Variants in NXPE2 observed in about 807,000 individuals in gnomAD.
NXPE2 encodes the protein NXPE family member 2.
A neutral mutation model predicts 34.4 loss-of-function variants in NXPE2; 34 were observed. That is an observed-to-expected ratio of 0.99 (90% confidence interval 0.75 to 1.31). The LOEUF is 1.31. Among genes scored for constraint, NXPE2 ranks in the 40% most tolerant of loss-of-function variants. The probability of loss-of-function intolerance (pLI) is 0.00; values close to 1 mark genes in which losing one functional copy is unlikely to be tolerated. For missense variants in NXPE2, 649 were observed against 672.5 expected, an observed-to-expected ratio of 0.97 and a Z score of 0.39; for synonymous variants, 235 against 231.3, an observed-to-expected ratio of 1.02 and a Z score of -0.15.
chr11:114,645,300 C>T, the NXPE2 span, among the ~76,000 whole-genome samples: 5 of 151,896 alleles, frequency 3.3e-5, no homozygotes, highest in Non-Finnish European at 7.4e-5. Flanking sequence ...GACTCCATCT[C>T]GAAAATAAAT....
the NXPE2 span, among the ~76,000 whole-genome samples, chr11:114,532,782 G>A: frequency 6.6e-6 from 1 of 152,058 alleles, no homozygotes; most frequent in Non-Finnish European, 1.5e-5. Flanking sequence ...ATACAGGTGT[G>A]TGTGCATTTG....
At chr11:114,732,188 A>G in the NXPE2 span, among the ~76,000 whole-genome samples, 1 of 152,238 alleles carries the variant, frequency 6.6e-6, no homozygotes, top group African/African-American at 2.4e-5. Context: ...TAATTCTAAT[A>G]TAGGACAATT....
chr11:114,617,711 G>A, the NXPE2 span, among the ~76,000 whole-genome samples: 4 of 152,156 alleles, frequency 2.6e-5, no homozygotes, highest in African/African-American at 9.6e-5. Context: ...GGTAACCACT[G>A]TTACCCAATG....
chr11:114,626,321 G>A, the NXPE2 span, among the ~76,000 whole-genome samples: 1 of 152,220 alleles, frequency 6.6e-6, no homozygotes. Context: ...GCACACAGCT[G>A]GAGATCTGAG....
At chr11:114,609,380 T>C in the NXPE2 span, among the ~76,000 whole-genome samples, 293 of 151,810 alleles carry the variant, frequency 1.9e-3, 5 homozygotes, top group African/African-American at 6.6e-3. Context: ...ACCCGGTGGA[T>C]AATAAGTATT....
At chr11:114,488,971 TAAAG>T in the NXPE2 span, among the ~76,000 whole-genome samples, 5 of 151,580 alleles carry the variant, frequency 3.3e-5, no homozygotes, top group Non-Finnish European at 5.9e-5. Context: ...GCAAGACTAA[TAAAG>T]AAGAAAAGAG....
At chr11:114,556,382 G>A in the NXPE2 span, among the ~76,000 whole-genome samples, 1 of 152,090 alleles carries the variant, frequency 6.6e-6, no homozygotes, top group Non-Finnish European at 1.5e-5. Flanking sequence ...GTCTCCCTTG[G>A]ATACACAGAG....
At chr11:114,639,858 ATTATATT>A in the NXPE2 span, among the ~76,000 whole-genome samples, 882 of 75,566 alleles carry the variant, frequency 0.012, 12 homozygotes, top group Admixed American at 0.016. Context: ...TATAATATAT[ATTATATT>A]TTATATTAAA....
At chr11:114,633,225 T>A in the NXPE2 span, among the ~76,000 whole-genome samples, 75 of 133,074 alleles carry the variant, frequency 5.6e-4, 1 homozygote, top group African/African-American at 2.0e-3. Flanking sequence ...ATTATATATA[T>A]AAATATATGT....
chr11:114,724,892 T>C, the NXPE2 span, among the ~76,000 whole-genome samples: 1 of 7,920 alleles, frequency 1.3e-4, no homozygotes, highest in African/African-American at 1.7e-4. Context: ...CAGAAATGGT[T>C]TTTTTTTTTT....
the NXPE2 span, among the ~76,000 whole-genome samples, chr11:114,746,337 C>T: frequency 2.0e-5 from 3 of 152,128 alleles, no homozygotes; most frequent in South Asian, 6.2e-4. Flanking sequence ...TCAAGGATAT[C>T]ATATACACTG....
the NXPE2 span, among the ~76,000 whole-genome samples, chr11:114,735,372 C>T: frequency 6.6e-6 from 1 of 151,954 alleles, no homozygotes; most frequent in Non-Finnish European, 1.5e-5. Flanking sequence ...TTTCTTATAT[C>T]TTATCTAAGA....
At chr11:114,628,490 G>A in the NXPE2 span, among the ~76,000 whole-genome samples, 72 of 151,882 alleles carry the variant, frequency 4.7e-4, no homozygotes, top group East Asian at 1.2e-3. Flanking sequence ...AAGACACAAC[G>A]TACCAGAATC....
the NXPE2 span, among the ~76,000 whole-genome samples, chr11:114,536,564 A>C: frequency 6.6e-6 from 1 of 152,188 alleles, no homozygotes; most frequent in Non-Finnish European, 1.5e-5. Context: ...AAGAGAGAAG[A>C]ATCAAATAGA....
chr11:114,593,811 G>A, the NXPE2 span, among the ~76,000 whole-genome samples: 1 of 151,970 alleles, frequency 6.6e-6, no homozygotes. Context: ...AGAAAATATG[G>A]TATATATACA....
the NXPE2 span, among the ~76,000 whole-genome samples, chr11:114,712,936 C>A: frequency 1.3e-5 from 2 of 152,100 alleles, no homozygotes; most frequent in Non-Finnish European, 2.9e-5. Flanking sequence ...CAGTGAAAAA[C>A]CATGCAACCT....
the NXPE2 span, among the ~76,000 whole-genome samples, chr11:114,787,717 C>G: frequency 0.14 from 21,466 of 152,096 alleles, 1,615 homozygotes; most frequent in Middle Eastern, 0.2. Context: ...ATGTATGTAT[C>G]TATCTATCTA....
At chr11:114,566,703 C>G in the NXPE2 span, among the ~76,000 whole-genome samples, 1 of 152,090 alleles carries the variant, frequency 6.6e-6, no homozygotes, top group East Asian at 1.9e-4. Context: ...GGATTTCTCT[C>G]TCTCTCTCTC....
At chr11:114,632,642 T>G in the NXPE2 span, among the ~76,000 whole-genome samples, 1 of 97,090 alleles carries the variant, frequency 1.0e-5, no homozygotes, top group African/African-American at 4.3e-5. Flanking sequence ...TAAATGTAAA[T>G]AATAAATGTA....
Sources: allele counts gnomAD v4.1 joint callset (sites outside exome capture counted in the v4.1 genomes callset), GRCh38; gene constraint gnomAD v4.1.1; transcripts MANE v1.5; gene names NCBI Gene and HGNC (gene_info 2026-07-23, HGNC 2026-07-21).